The following KHDRBS2 variants were observed in gnomAD, a reference collection of about 807,000 sequenced individuals.
KHDRBS2 encodes KH RNA binding domain containing, signal transduction associated 2, also known as KH domain-containing, RNA-binding, signal transduction-associated protein 2.
In KHDRBS2, 26 loss-of-function variants were observed where a neutral mutation model predicts 44.3. That is an observed-to-expected ratio of 0.59 (90% CI 0.43 to 0.81). KHDRBS2 has a LOEUF of 0.81. Ranked by LOEUF, KHDRBS2 falls within the 40% of genes least tolerant of loss-of-function variation. KHDRBS2 has a pLI of 0.00. For missense variants in KHDRBS2, 476 were observed against 433.1 expected (o/e 1.10, Z -0.88); for synonymous variants, 194 against 151.1 (o/e 1.28, Z -2.08).
intron 1 of KHDRBS2, among the ~76,000 whole-genome samples, chr6:62,217,494 T>C (rs568024600): frequency 2.6e-5 from 4 of 152,014 alleles, no homozygotes; most frequent in African/African-American, 9.6e-5. Flanking sequence ...GAGTTGCTTT[T>C]CAAACACATA....
At chr6:61,580,714 TG>T in the KHDRBS2 span, among the ~76,000 whole-genome samples, 1 of 151,998 alleles carries the variant, frequency 6.6e-6, no homozygotes, top group Non-Finnish European at 1.5e-5. Flanking sequence ...TGTTAAGAGC[TG>T]TAACACTCGC....
chr6:61,772,532 C>T (rs1781116372), intron 6 of KHDRBS2, among the ~76,000 whole-genome samples: 1 of 152,166 alleles, frequency 6.6e-6, no homozygotes. Flanking sequence ...ATACTATAAA[C>T]ACTTATACAC....
At chr6:62,006,094 A>T (rs1260362707) in intron 3 of KHDRBS2, among the ~76,000 whole-genome samples, 1 of 152,044 alleles carries the variant, frequency 6.6e-6, no homozygotes, top group Non-Finnish European at 1.5e-5. Context: ...CTAAAAAATG[A>T]GTCAAGAATC....
At chr6:62,071,856 A>C (rs903184961) in intron 2 of KHDRBS2, among the ~76,000 whole-genome samples, 2 of 152,126 alleles carry the variant, frequency 1.3e-5, no homozygotes, top group Non-Finnish European at 2.9e-5. Flanking sequence ...ACTTTAAAGT[A>C]GTTTTTTCCA....
At chr6:61,617,874 A>G in the KHDRBS2 span, among the ~76,000 whole-genome samples, 1 of 152,142 alleles carries the variant, frequency 6.6e-6, no homozygotes, top group African/African-American at 2.4e-5. Flanking sequence ...TAACCTTTGG[A>G]TTTTCAAGAA....
At chr6:61,696,816 G>T (rs929837527) in intron 8 of KHDRBS2, among the ~76,000 whole-genome samples, 25 of 152,044 alleles carry the variant, frequency 1.6e-4, no homozygotes, top group African/African-American at 5.8e-4. Context: ...AACAATTTCT[G>T]CCCTTAAAGT....
At chr6:61,694,079 A>G (rs186864533) in intron 8 of KHDRBS2, among the ~76,000 whole-genome samples, 50 of 152,230 alleles carry the variant, frequency 3.3e-4, no homozygotes, top group African/African-American at 1.1e-3. Flanking sequence ...CATGAGCATG[A>G]TTTTCCTCAA....
At chr6:61,686,355 G>T (rs920450593) in intron 8 of KHDRBS2, among the ~76,000 whole-genome samples, 1 of 151,630 alleles carries the variant, frequency 6.6e-6, no homozygotes, top group Non-Finnish European at 1.5e-5. Context: ...ATTCATCCTG[G>T]CTTTGAGCCA....
At chr6:61,905,706 T>C in intron 4 of KHDRBS2, among the ~76,000 whole-genome samples, 1 of 152,148 alleles carries the variant, frequency 6.6e-6, no homozygotes, top group Non-Finnish European at 1.5e-5. Flanking sequence ...TGATTTATCA[T>C]TTGCAATATC....
intron 1 of KHDRBS2, among the ~76,000 whole-genome samples, chr6:62,197,091 C>A (rs1825862504): frequency 1.3e-5 from 2 of 151,984 alleles, no homozygotes; most frequent in South Asian, 4.1e-4. Flanking sequence ...GTAAGTAGAG[C>A]AACAATTTAA....
At chr6:61,825,041 T>C (rs1394977760) in intron 6 of KHDRBS2, among the ~76,000 whole-genome samples, 2 of 152,146 alleles carry the variant, frequency 1.3e-5, no homozygotes, top group Admixed American at 6.6e-5. Flanking sequence ...TTTTCAGAGA[T>C]ACAGACCTTT....
Position 61,781,286 on chromosome 6 carries a change from A to G in KHDRBS2, c.811-48522T>C, listed in dbSNP as rs553272684. Among the ~76,000 whole-genome samples the G allele has an allele frequency of 1.5e-3, 236 of 152,274 alleles. 1 individual carries two copies. Among genetic ancestry groups the G allele is most frequent in the African/African-American group, 5.3e-3 (220 of 41,574 alleles). ...CATATTTATATGTAATGGTTTTCCA[A>G]AATAACTGATAAAGTTAAAACTGGT... is the stretch of plus-strand genomic sequence containing the variant. On this transcript the variant is annotated intron_variant, in intron 6 of 8. Transcript: ENST00000281156.
chr6:61,715,762 T>C (rs1771292876), intron 7 of KHDRBS2, among the ~76,000 whole-genome samples: 1 of 150,876 alleles, frequency 6.6e-6, no homozygotes, highest in South Asian at 2.1e-4. Context: ...TCCTTCCTAC[T>C]GTGCCTTTGG....
the KHDRBS2 span, among the ~76,000 whole-genome samples, chr6:61,657,443 C>T: frequency 5.3e-5 from 8 of 151,996 alleles, no homozygotes; most frequent in East Asian, 1.9e-4. Flanking sequence ...ATCGTTTCCA[C>T]GACAACAACC....
chr6:62,254,213 A>C (rs373826317), intron 1 of KHDRBS2, among the ~76,000 whole-genome samples: 20 of 152,166 alleles, frequency 1.3e-4, no homozygotes, highest in Middle Eastern at 3.4e-3. Context: ...ACTTTATATT[A>C]AAGTGCTACA....
rs189180228 is a variant in KHDRBS2, at chr6:62,079,603, C to T, written c.220-31609G>A. Among the ~76,000 whole-genome samples, 3 of 152,108 alleles carry T rather than the reference C, an allele frequency of 2.0e-5. No individual in the cohort carries two copies. In the East Asian group the frequency reaches 5.8e-4, roughly 29 times the overall value. ...ACAAAAAGGAATTTCACTGACAAAG[C>T]AAAATTGAAAATTTAATCCAACCTG... On this transcript the variant is annotated intron_variant, in intron 2 of 8. Coordinates refer to ENST00000281156, the MANE Select transcript of KHDRBS2 (RefSeq NM_152688.4).
chr6:62,227,884 G>A (rs746111073), intron 1 of KHDRBS2, among the ~76,000 whole-genome samples: 12 of 152,126 alleles, frequency 7.9e-5, no homozygotes, highest in Non-Finnish European at 1.0e-4. Context: ...AATTTGATCA[G>A]GGTGGACAAG....
At chr6:61,713,790 G>A (rs564884047) in intron 7 of KHDRBS2, among the ~76,000 whole-genome samples, 93 of 151,724 alleles carry the variant, frequency 6.1e-4, no homozygotes, top group African/African-American at 2.1e-3. Context: ...ATAGACTGGG[G>A]AAAGAACACA....
intron 2 of KHDRBS2, among the ~76,000 whole-genome samples, chr6:62,070,271 C>A (rs577355647): frequency 3.3e-5 from 5 of 150,156 alleles, no homozygotes; most frequent in African/African-American, 4.9e-5. Flanking sequence ...CTTTTTCTGT[C>A]TTTGTCTGGT....
Sources: allele counts gnomAD v4.1 joint callset (sites outside exome capture counted in the v4.1 genomes callset), GRCh38; gene constraint gnomAD v4.1.1; transcripts MANE v1.5; gene names NCBI Gene and HGNC (gene_info 2026-07-23, HGNC 2026-07-21).